The following DHX15 variants were observed in gnomAD, a reference collection of about 807,000 sequenced individuals.
The protein encoded by DHX15 is ATP-dependent RNA helicase DHX15.
Under a neutral mutation model 94.4 loss-of-function variants are expected in DHX15, and 11 were observed. That is an observed-to-expected ratio of 0.12 (90% CI 0.07 to 0.19). The LOEUF is 0.19. Ranked by LOEUF, DHX15 falls within the 10% of genes least tolerant of loss-of-function variation. The probability of loss-of-function intolerance (pLI) is 1.00; values close to 1 mark genes in which losing one functional copy is unlikely to be tolerated. For missense variants in DHX15, 304 were observed against 988.5 expected, an observed-to-expected ratio of 0.31 and a Z score of 9.29; for synonymous variants, 338 against 329.9, an observed-to-expected ratio of 1.02 and a Z score of -0.27.
intron 3 of DHX15, 60 bp from the exon 4 acceptor site, chr4:24,556,470 C>A: frequency 1.4e-6 from 2 of 1,383,916 alleles, no homozygotes; most frequent in East Asian, 2.4e-5. Flanking sequence ...AACCAAACTT[C>A]GTGACAAAAA....
At chr4:24,573,370 C>G (rs1470631371) in intron 2 of DHX15, among the ~76,000 whole-genome samples, 1 of 152,216 alleles carries the variant, frequency 6.6e-6, no homozygotes, top group Non-Finnish European at 1.5e-5. Context: ...TATAATACAT[C>G]AATGCCAATC....
intron 3 of DHX15, among the ~76,000 whole-genome samples, chr4:24,562,521 G>C (rs1419434531): frequency 6.6e-6 from 1 of 152,166 alleles, no homozygotes; most frequent in Non-Finnish European, 1.5e-5. Context: ...TGTGAACAGG[G>C]TAAAAATTGT....
chr4:24,534,328 GGTT>G (rs1376015585), intron 11 of DHX15: 1 of 152,140 alleles, frequency 6.6e-6, no homozygotes, highest in Non-Finnish European at 1.5e-5. Context: ...TTTTTGAAAA[GGTT>G]GTTGATTTGC....
intron 5 of DHX15, among the ~76,000 whole-genome samples, chr4:24,552,947 T>C (rs1264070711): frequency 1.3e-5 from 2 of 152,242 alleles, no homozygotes; most frequent in Non-Finnish European, 2.9e-5. Context: ...TCCTTAACCA[T>C]GAGGCCATTT....
At chr4:24,543,774 T>A in intron 6 of DHX15, among the ~76,000 whole-genome samples, 1 of 151,740 alleles carries the variant, frequency 6.6e-6, no homozygotes, top group East Asian at 1.9e-4. Flanking sequence ...TTACATATAA[T>A]TTTTTTTTAA....
intron 6 of DHX15, among the ~76,000 whole-genome samples, chr4:24,547,982 A>C (rs546651705): frequency 3.5e-5 from 5 of 143,524 alleles, no homozygotes; most frequent in African/African-American, 5.3e-5. Context: ...TGGGGACTAT[A>C]TATCTGCTGA....
chr4:24,564,427 T>C lies in DHX15; in HGVS notation c.701+6227A>G, dbSNP rs888998654. ...TAATAGAAACCAGCTCATCTACCTA[T>C]AGTATCAGGAAAGGATTGATACTAT... On this transcript the variant is annotated intron_variant, in intron 3 of 13. Transcript: ENST00000336812. 7.2e-5 allele frequency among the ~76,000 whole-genome samples: 11 copies of C among 152,298 alleles called. No individual in the cohort carries two copies. In the East Asian group the frequency reaches 2.1e-3, roughly 29 times the overall value.
At chr4:24,581,961 T>A (rs1378309339) in intron 1 of DHX15, among the ~76,000 whole-genome samples, 1 of 151,966 alleles carries the variant, frequency 6.6e-6, no homozygotes, top group African/African-American at 2.4e-5. Context: ...ATAAGTGAAA[T>A]CTCCCACTGA....
intron 10 of DHX15, chr4:24,538,856 T>C (rs1721250172): frequency 6.6e-6 from 1 of 152,170 alleles, no homozygotes; most frequent in Non-Finnish European, 1.5e-5. Context: ...TGTAAGTATA[T>C]CTGATAAGAG....
At chr4:24,540,770 G>T in intron 9 of DHX15, 70 bp downstream of exon 9, 1 of 826,916 alleles carries the variant, frequency 1.2e-6, no homozygotes, top group Non-Finnish European at 2.0e-6. Flanking sequence ...TATTAAATAG[G>T]ATGGAGAAAA....
chr4:24,575,142 A>G (rs530389660), intron 2 of DHX15, among the ~76,000 whole-genome samples: 43 of 152,014 alleles, frequency 2.8e-4, no homozygotes, highest in African/African-American at 9.9e-4. Context: ...CTGTCTCAAC[A>G]ACAACACAAA....
intron 2 of DHX15, 121 bp downstream of exon 2, chr4:24,576,122 T>G: frequency 1.3e-6 from 1 of 741,934 alleles, no homozygotes; most frequent in South Asian, 1.9e-5. Context: ...AAACATCAAA[T>G]CAGCTATTCT....
At chr4:24,565,309 A>G (rs1458232721) in intron 3 of DHX15, among the ~76,000 whole-genome samples, 1 of 152,228 alleles carries the variant, frequency 6.6e-6, no homozygotes, top group Non-Finnish European at 1.5e-5. Flanking sequence ...GCAAAAGCCA[A>G]TAGAATTCTA....
intron 12 of DHX15, among the ~76,000 whole-genome samples, chr4:24,531,426 T>C (rs1443408189): frequency 6.6e-6 from 1 of 151,668 alleles, no homozygotes; most frequent in Non-Finnish European, 1.5e-5. Context: ...TTTAAGAACA[T>C]GTCAACCCAG....
At chr4:24,571,083 C>T (rs767408726) in intron 2 of DHX15, among the ~76,000 whole-genome samples, 6 of 152,106 alleles carry the variant, frequency 3.9e-5, no homozygotes, top group Admixed American at 2.0e-4. Flanking sequence ...GGAATACACT[C>T]GACAGTGTGA....
intron 11 of DHX15, 197 bp from the exon 12 acceptor site, chr4:24,533,251 G>A: frequency 3.4e-6 from 2 of 582,040 alleles, no homozygotes; most frequent in Non-Finnish European, 6.1e-6. Context: ...ATTAGAAACA[G>A]TAACAAGGCT....
chr4:24,529,765 T>C lies in DHX15; in HGVS notation c.2106A>G (p.Ala702=). The C allele has an allele frequency of 5.6e-6, 9 of 1,614,244 alleles. No homozygotes were observed. The highest frequency in any genetic ancestry group is 7.6e-6 in the Non-Finnish European group (9 of 1,180,040). ...ALVTGYFMQV[A]HLERTGHYLT... ...AGTAATGCCCTGTTCGTTCTAAATG[T>C]GCCACCTGAAACCAAAACCCAGTAT... The change falls in exon 13 of 14, where the codon GCA becomes GCG. Residue 702 remains alanine (A), a synonymous_variant. Transcript: ENST00000336812.
At chr4:24,564,293 T>C (rs2109005639) in intron 3 of DHX15, among the ~76,000 whole-genome samples, 1 of 152,334 alleles carries the variant, frequency 6.6e-6, no homozygotes, top group South Asian at 2.1e-4. Flanking sequence ...AGGACCCAAC[T>C]ACTTAGTAAA....
intron 3 of DHX15, among the ~76,000 whole-genome samples, chr4:24,565,310 T>C (rs1370078217): frequency 6.6e-6 from 1 of 152,192 alleles, no homozygotes; most frequent in Admixed American, 6.5e-5. Context: ...CAAAAGCCAA[T>C]AGAATTCTAC....
Sources: gnomAD v4.1 joint callset for allele counts (sites outside exome capture counted in the v4.1 genomes callset) on GRCh38, gnomAD v4.1.1 for gene constraint, MANE v1.5 for transcripts, NCBI Gene and HGNC (gene_info 2026-07-23, HGNC 2026-07-21) for gene names.